Variants in LYRM4 observed in about 807,000 individuals in gnomAD.
LYRM4 encodes LYR motif containing 4.
Under a neutral mutation model 11.7 loss-of-function variants are expected in LYRM4, and 9 were observed. The observed-to-expected ratio is 0.77, with a 90% confidence interval of 0.46 to 1.34. The LOEUF (loss-of-function observed/expected upper bound fraction) is 1.34. Among genes scored for constraint, LYRM4 ranks in the 40% most tolerant of loss-of-function variants. The pLI is 0.00. For missense variants in LYRM4, 133 were observed against 112.5 expected, an observed-to-expected ratio of 1.18 and a Z score of -0.82; for synonymous variants, 42 against 40.4, an observed-to-expected ratio of 1.04 and a Z score of -0.15.
chr6:5,068,742 C>A, the LYRM4 span, among the ~76,000 whole-genome samples: 1 of 151,990 alleles, frequency 6.6e-6, no homozygotes, highest in Non-Finnish European at 1.5e-5. This position sits in a 1 kb window ranked among gnomAD's most constrained non-coding sequence, Gnocchi z 4.0. Context: ...ATGTAACAAA[C>A]CTGCACGTTG....
chr6:5,080,200 G>C, the LYRM4 span, among the ~76,000 whole-genome samples: 4 of 152,210 alleles, frequency 2.6e-5, no homozygotes, highest in Admixed American at 1.3e-4. Context: ...ATTCAAGGTG[G>C]AGTACATGGT....
the LYRM4 span, chr6:5,085,429 G>A: frequency 1.5e-6 from 2 of 1,318,324 alleles, no homozygotes; most frequent in South Asian, 1.4e-5. Context: ...CGAGGAGTTA[G>A]TTAAGTCTCC....
chr6:5,179,445 GCC>G (rs1021880737), intron 2 of LYRM4, among the ~76,000 whole-genome samples: 3 of 151,826 alleles, frequency 2.0e-5, no homozygotes, highest in African/African-American at 7.3e-5. Context: ...TCATCACCCA[GCC>G]CCTGGCAATC....
At chr6:5,104,407 T>C (rs191937725), downstream of LYRM4, 2 of 152,256 alleles carry the variant, frequency 1.3e-5, no homozygotes, top group South Asian at 2.1e-4. Flanking sequence ...CCAGAGTAGC[T>C]AGGACAACAG....
At chr6:5,047,946 G>T in the LYRM4 span, among the ~76,000 whole-genome samples, 2 of 152,138 alleles carry the variant, frequency 1.3e-5, no homozygotes, top group Non-Finnish European at 2.9e-5. Flanking sequence ...TCCACCCTGA[G>T]GTCACCATTA....
intron 1 of LYRM4, among the ~76,000 whole-genome samples, chr6:5,246,554 AGGGCAGGGTGCAGG>A (rs1764205471): frequency 6.6e-6 from 1 of 152,200 alleles, no homozygotes; most frequent in Admixed American, 6.5e-5. Flanking sequence ...CACAGTAAGG[AGGGCAGGGTGCAGG>A]GGGGACTGAG....
At chr6:5,097,522 T>C in the LYRM4 span, among the ~76,000 whole-genome samples, 2 of 152,132 alleles carry the variant, frequency 1.3e-5, no homozygotes, top group African/African-American at 2.4e-5. Flanking sequence ...ATCATTTTTG[T>C]TGATTTTTTG....
chr6:5,233,187 T>C (rs1763341469), intron 1 of LYRM4, among the ~76,000 whole-genome samples: 1 of 152,116 alleles, frequency 6.6e-6, no homozygotes, highest in Non-Finnish European at 1.5e-5. Context: ...ACATGATCAA[T>C]GGCAGGCAAA....
intron 1 of LYRM4, among the ~76,000 whole-genome samples, chr6:5,240,047 T>G (rs1212020466): frequency 6.6e-6 from 1 of 152,094 alleles, no homozygotes; most frequent in Non-Finnish European, 1.5e-5. Context: ...TCCATTAAGG[T>G]AAACAGGGCA....
At chr6:5,041,187 G>T in the LYRM4 span, among the ~76,000 whole-genome samples, 2 of 147,624 alleles carry the variant, frequency 1.4e-5, no homozygotes, top group Non-Finnish European at 3.0e-5. Flanking sequence ...TTACACCTAG[G>T]TGTGTATTTT....
the LYRM4 span, among the ~76,000 whole-genome samples, chr6:5,082,997 G>A: frequency 6.6e-6 from 1 of 152,214 alleles, no homozygotes; most frequent in Non-Finnish European, 1.5e-5. Flanking sequence ...CACAGGGGCT[G>A]AGTTTGTATA....
At chr6:5,205,643 T>C (rs528746599) in intron 2 of LYRM4, among the ~76,000 whole-genome samples, 24 of 152,338 alleles carry the variant, frequency 1.6e-4, no homozygotes, top group African/African-American at 7.2e-5. Flanking sequence ...CTTCAAATAA[T>C]AGCTGATACT....
intron 2 of LYRM4, among the ~76,000 whole-genome samples, chr6:5,120,061 A>T (rs1225039865): frequency 6.6e-6 from 1 of 151,658 alleles, no homozygotes; most frequent in Non-Finnish European, 1.5e-5. Context: ...CGTCTGGCTA[A>T]TTTTTTTGTA....
chr6:5,100,209 T>G (rs1219907686), downstream of LYRM4, among the ~76,000 whole-genome samples: 1 of 152,158 alleles, frequency 6.6e-6, no homozygotes, highest in Non-Finnish European at 1.5e-5. Context: ...CAGAAACTGA[T>G]ACAAGCCAGC....
the LYRM4 span, among the ~76,000 whole-genome samples, chr6:5,052,413 C>T: frequency 6.6e-6 from 1 of 152,140 alleles, no homozygotes; most frequent in African/African-American, 2.4e-5. Flanking sequence ...TTTGTATGCT[C>T]TTGAAGTTAA....
chr6:5,206,941 A>G (rs886374830), intron 2 of LYRM4, among the ~76,000 whole-genome samples: 2 of 152,144 alleles, frequency 1.3e-5, no homozygotes, highest in Admixed American at 1.3e-4. Context: ...ACAATTTCTG[A>G]CAGATAGCTT....
At chr6:5,037,539 G>C in the LYRM4 span, among the ~76,000 whole-genome samples, 8 of 80,106 alleles carry the variant, frequency 1.0e-4, no homozygotes, top group African/African-American at 2.9e-4. Context: ...CCTCCCAGAC[G>C]GGGTCCTGGC....
the LYRM4 span, among the ~76,000 whole-genome samples, chr6:5,048,021 G>A: frequency 1.3e-5 from 2 of 152,184 alleles, no homozygotes; most frequent in African/African-American, 4.8e-5. Flanking sequence ...TATGGTGTAT[G>A]TGTTCATTAA....
At chr6:5,047,837 T>TATCACAA in the LYRM4 span, among the ~76,000 whole-genome samples, 1 of 152,216 alleles carries the variant, frequency 6.6e-6, no homozygotes, top group South Asian at 2.1e-4. Flanking sequence ...TAGCATAAAA[T>TATCACAA]ATCACAAAGT....
Sources: gnomAD v4.1 joint callset for allele counts (sites outside exome capture counted in the v4.1 genomes callset) on GRCh38, gnomAD v4.1.1 for gene constraint, Gnocchi (gnomAD v3.1) non-coding constraint, MANE v1.5 for transcripts, NCBI Gene and HGNC (gene_info 2026-07-23, HGNC 2026-07-21) for gene names.